Variants in NUP210 observed in about 807,000 individuals in gnomAD.
NUP210 encodes nucleoporin 210, also known as nuclear pore membrane glycoprotein 210.
NUP210 carries 151 observed loss-of-function variants against 196.0 expected under a neutral mutation model. That is an observed-to-expected ratio of 0.77 (90% CI 0.67 to 0.88). The LOEUF (loss-of-function observed/expected upper bound fraction) is 0.88, where lower values mean the gene tolerates loss of function less well. Among genes scored for constraint, NUP210 ranks in the 40% least tolerant of loss-of-function variants. The pLI is 0.00. For missense variants in NUP210, 2,314 were observed against 2,493.7 expected, an observed-to-expected ratio of 0.93 and a Z score of 1.53; for synonymous variants, 1,070 against 1,052.7, an observed-to-expected ratio of 1.02 and a Z score of -0.32.
chr3:13,346,458 T>C (rs1018430389), intron 20 of NUP210, among the ~76,000 whole-genome samples: 4 of 152,222 alleles, frequency 2.6e-5, no homozygotes, highest in African/African-American at 9.6e-5. Flanking sequence ...TTTTAATTTC[T>C]GAGTGTTGAA....
At chr3:13,354,150 T>C in intron 16 of NUP210, 43 bp from the exon 17 acceptor site, 1 of 1,504,030 alleles carries the variant, frequency 6.6e-7, no homozygotes, top group Non-Finnish European at 9.0e-7. Flanking sequence ...CCCCCAGGAC[T>C]GGACCTGGAC....
At chr3:13,365,563 G>C (rs539484022) in intron 14 of NUP210, among the ~76,000 whole-genome samples, 9 of 152,334 alleles carry the variant, frequency 5.9e-5, no homozygotes, top group Admixed American at 5.2e-4. Flanking sequence ...TAATTCTAGG[G>C]CTCTGTGGGG....
Position 13,348,320 on chromosome 3 carries a change from A to C in NUP210, c.2835+3559T>G. The C allele has an allele frequency of 1.1e-6, 1 of 951,842 alleles. No individual in the cohort carries two copies. The highest frequency in any genetic ancestry group is 1.3e-6 in the Non-Finnish European group (1 of 799,374). The allele number at this position is 951,842 out of a possible 1,614,324, so 59.0% of individuals were successfully genotyped here. ...ACTACCTACAGCGGCAGCCTAGTCC[A>C]TCACCGACCTCTAGGAACTCTTGTT... On this transcript the variant is annotated intron_variant, in intron 20 of 39. Transcript: ENST00000254508. This position sits in a 1 kb window ranked among gnomAD's most constrained non-coding sequence, Gnocchi z 4.0.
At position 13,335,570 on chromosome 3, in the gene NUP210, C is replaced by G; in HGVS notation, c.3727G>C (p.Val1243Leu). The G allele has an allele frequency of 6.2e-7, 1 of 1,614,108 alleles. No individual in the cohort carries two copies. Among genetic ancestry groups the G allele is most frequent in the Non-Finnish European group, 8.5e-7 (1 of 1,180,040 alleles). ...LPSQYNFAMN[V>L]LGRVKGRTGL... is the part of the protein sequence containing the mutation. ...GTCCGGCCTTTTACCCGGCCGAGCA[C>G]GTTCATGGCAAAGTTGTACTGTGAC... Residue 1243 changes from valine to leucine, a missense_variant, in exon 28 of 40, where the codon GTG (valine) becomes CTG (leucine). Transcript: ENST00000254508.
chr3:13,416,794 GGAGGTTCCC>G (rs965733172), intron 1 of NUP210, among the ~76,000 whole-genome samples: 2 of 152,240 alleles, frequency 1.3e-5, no homozygotes, highest in African/African-American at 4.8e-5. Context: ...TGGCAGGGGA[GGAGGTTCCC>G]GAGGTGCCCA....
Position 13,354,082 on chromosome 3 carries a change from G to C in NUP210, c.2354C>G (p.Pro785Arg). 6.3e-7 allele frequency: 1 copy of C among 1,597,124 alleles called. No homozygotes were observed. The highest frequency in any genetic ancestry group is 8.5e-7 in the Non-Finnish European group (1 of 1,172,160). ...GTCGTAAGCAGCCAGGTCCAGCCGG[G>C]GGTTGCGGTGGCTGGACACTGGGAC... ...QVVPVSSHRN[P>R]RLDLAAYDQE... The change falls in exon 17 of 40, where the codon CCC (proline) becomes CGC (arginine). Residue 785 changes from proline to arginine, a missense_variant. By Grantham distance (103) the Pro-to-Arg change is moderately radical (BLOSUM62 -2). Coordinates refer to ENST00000254508, the MANE Select transcript of NUP210 (RefSeq NM_024923.4).
intron 11 of NUP210, among the ~76,000 whole-genome samples, chr3:13,374,115 A>G (rs1698820796): frequency 6.6e-6 from 1 of 151,974 alleles, no homozygotes; most frequent in Admixed American, 6.6e-5. Context: ...CACAGTGCAC[A>G]CCACGTACAC....
intron 34 of NUP210, among the ~76,000 whole-genome samples, chr3:13,322,767 G>C (rs1696592336): frequency 1.3e-5 from 2 of 152,256 alleles, no homozygotes; most frequent in Non-Finnish European, 2.9e-5. Context: ...GGAAGGAGCA[G>C]AGGCTGCCAT....
chr3:13,364,018 GCTCT>G (rs1179551824), intron 14 of NUP210, among the ~76,000 whole-genome samples: 4 of 152,144 alleles, frequency 2.6e-5, no homozygotes, highest in African/African-American at 4.8e-5. Context: ...TCTCCACTCT[GCTCT>G]CTGACACTCT....
At position 13,323,579 on chromosome 3, in the gene NUP210, G is replaced by A. The variant is rs1696626802; in HGVS notation, c.4645-147C>T. On this transcript the variant is annotated intron_variant, in intron 33 of 39. Transcript: ENST00000254508. This position sits in a 1 kb window ranked among gnomAD's most constrained non-coding sequence, Gnocchi z 4.3. ...CTGAGGCTCAAAGCCTAAACGCCTT[G>A]CTAGAATGTGGCAGAGAGGGGGTTT... 1.2e-6 allele frequency: 1 copy of A among 853,828 alleles called. No homozygotes were observed. Among genetic ancestry groups the A allele is most frequent in the Non-Finnish European group, 1.8e-6 (1 of 562,588 alleles). 52.9% of individuals were successfully genotyped at this position (853,828 alleles called of 1,614,324 possible). A position where few individuals can be genotyped will look rare whatever the true frequency, so the allele number is the denominator to read the frequency against.
Position 13,347,450 on chromosome 3 carries a change from C to T in NUP210, c.2836-4147G>A, listed in dbSNP as rs1013568233. The stretch of plus-strand genomic sequence containing the variant: ...TAAACACTCCTATGTGCAAACCAGC[C>T]GAAAACAAAATAAAGGCCCTTACAG... On this transcript the variant is annotated intron_variant, in intron 20 of 39. Coordinates refer to ENST00000254508, the MANE Select transcript of NUP210 (RefSeq NM_024923.4). This position sits in a 1 kb window ranked among gnomAD's most constrained non-coding sequence, Gnocchi z 4.7. 7.4e-6 allele frequency: 4 copies of T among 543,268 alleles called. No homozygotes were observed. The highest frequency in any genetic ancestry group is 2.1e-5 in the African/African-American group (1 of 48,752). The allele number at this position is 543,268 out of a possible 1,614,324, so 33.7% of individuals were successfully genotyped here. A position where few individuals can be genotyped will look rare whatever the true frequency, so the allele number is the denominator to read the frequency against.
chr3:13,343,341 G>GGGGT, intron 20 of NUP210, 38 bp from the exon 21 acceptor site: 1 of 1,217,960 alleles, frequency 8.2e-7, no homozygotes, highest in Non-Finnish European at 1.2e-6. Context: ...GTGGGTGGTG[G>GGGGT]GTTACGCAGC....
chr3:13,406,793 C>A (rs752810793), intron 1 of NUP210, among the ~76,000 whole-genome samples: 2 of 152,216 alleles, frequency 1.3e-5, no homozygotes, highest in African/African-American at 2.4e-5. Context: ...AGCAGGTGGG[C>A]GGCATGTCTG....
Position 13,348,993 on chromosome 3 carries a change from C to A in NUP210, c.2835+2886G>T, listed in dbSNP as rs1302295592. The A allele has an allele frequency of 1.3e-6, 1 of 774,254 alleles. No individual in the cohort carries two copies. Among genetic ancestry groups the A allele is most frequent in the Non-Finnish European group, 1.6e-6 (1 of 637,026 alleles). 48.0% of individuals were successfully genotyped at this position (774,254 alleles called of 1,614,324 possible). On this transcript the variant is annotated intron_variant, in intron 20 of 39. Transcript: ENST00000254508. The surrounding 1 kb of genome is among the most constrained non-coding windows in gnomAD (Gnocchi z 4.0). ...AGCTCTTGCCTCACAGGCCCACACC[C>A]CCACACATCAAAAAACAGCCGGAGG...
At chr3:13,349,618 C>T (rs1697896033) in intron 20 of NUP210, among the ~76,000 whole-genome samples, 1 of 152,240 alleles carries the variant, frequency 6.6e-6, no homozygotes, top group South Asian at 2.1e-4. Flanking sequence ...CCACTGTGCC[C>T]AGCACCATAG....
chr3:13,371,395 T>C (rs904830635), intron 13 of NUP210, among the ~76,000 whole-genome samples: 2 of 152,152 alleles, frequency 1.3e-5, no homozygotes, highest in African/African-American at 4.8e-5. Flanking sequence ...CTGGATAAAC[T>C]ATCACAGTCA....
At chr3:13,396,705 A>G (rs937900089) in intron 3 of NUP210, among the ~76,000 whole-genome samples, 1 of 139,250 alleles carries the variant, frequency 7.2e-6, no homozygotes, top group African/African-American at 2.8e-5. Flanking sequence ...GGTTGCAGTA[A>G]GCCAAGATCG....
At chr3:13,412,382 G>A (rs1434308639) in intron 1 of NUP210, among the ~76,000 whole-genome samples, 1 of 151,058 alleles carries the variant, frequency 6.6e-6, no homozygotes, top group Non-Finnish European at 1.5e-5. Context: ...TCTTATTATT[G>A]TATTAAATGG....
Position 13,375,744 on chromosome 3 carries a change from G to T in NUP210, c.1294-103C>A. ...CCCTCCCTGGGGATCGGGTCACAAA[G>T]GTGGATTTGGGGGAAGAGTGGAGAG... On this transcript the variant is annotated intron_variant, in intron 10 of 39. Transcript: ENST00000254508. The T allele has an allele frequency of 4.0e-6, 5 of 1,258,206 alleles. No homozygotes were observed. In the South Asian group the frequency reaches 5.5e-5, roughly 14 times the overall value. The allele number at this position is 1,258,206 out of a possible 1,614,324, so 77.9% of individuals were successfully genotyped here.
Sources: allele counts gnomAD v4.1 joint callset (sites outside exome capture counted in the v4.1 genomes callset), GRCh38; gene constraint gnomAD v4.1.1; non-coding constraint Gnocchi (gnomAD v3.1); transcripts MANE v1.5; gene names NCBI Gene and HGNC (gene_info 2026-07-23, HGNC 2026-07-21).